ATP6V1E1: variants seen among roughly 807,000 people sequenced by gnomAD.
ATP6V1E1 encodes the protein V-type proton ATPase subunit E 1.
In ATP6V1E1, 21 loss-of-function variants were observed where a neutral mutation model predicts 35.2. The observed-to-expected ratio is 0.60, with a 90% confidence interval of 0.42 to 0.86. The LOEUF is 0.86. ATP6V1E1 is among the 40% of genes least tolerant of loss of function. The pLI is 0.00. For missense variants in ATP6V1E1, 183 were observed against 272.6 expected (o/e 0.67, Z 2.32); for synonymous variants, 83 against 87.8 (o/e 0.95, Z 0.30).
At chr22:17,609,087 C>T (rs945413178) in intron 4 of ATP6V1E1, among the ~76,000 whole-genome samples, 3 of 138,968 alleles carry the variant, frequency 2.2e-5, no homozygotes, top group Admixed American at 2.1e-4. Context: ...AGCGAGACTC[C>T]GTCTCAAAAA....
chr22:17,625,562 T>A (rs1454524760), intron 1 of ATP6V1E1, among the ~76,000 whole-genome samples: 1 of 147,026 alleles, frequency 6.8e-6, no homozygotes, highest in Non-Finnish European at 1.5e-5. Flanking sequence ...ATTACAGGCG[T>A]GAGCCGGCCA....
intron 4 of ATP6V1E1, among the ~76,000 whole-genome samples, chr22:17,611,262 T>C (rs1402655265): frequency 6.6e-6 from 1 of 152,258 alleles, no homozygotes; most frequent in Non-Finnish European, 1.5e-5. Context: ...CCTGAGCTAG[T>C]AACATTTTGC....
At chr22:17,613,002 G>A (rs2057823052) in intron 3 of ATP6V1E1, 124 bp from the exon 4 acceptor site, 1 of 982,328 alleles carries the variant, frequency 1.0e-6, no homozygotes, top group Non-Finnish European at 1.5e-6. Context: ...TTACAAGCGT[G>A]AGCCACCTTG....
At chr22:17,626,184 G>C (rs369573537) in intron 1 of ATP6V1E1, among the ~76,000 whole-genome samples, 247 of 151,802 alleles carry the variant, frequency 1.6e-3, no homozygotes, top group Middle Eastern at 3.4e-3. Context: ...GCGGGCGCCT[G>C]TAAGTCCCAG....
chr22:17,626,107 C>T (rs762845858), intron 1 of ATP6V1E1, among the ~76,000 whole-genome samples: 1 of 151,776 alleles, frequency 6.6e-6, no homozygotes, highest in Non-Finnish European at 1.5e-5. Flanking sequence ...GAGATCAAGA[C>T]CATCCTGGCT....
chr22:17,628,656 G>A lies in ATP6V1E1; in HGVS notation c.-21C>T. On this transcript the variant is annotated 5_prime_UTR_variant, in exon 1 of 9. Coordinates refer to ENST00000253413, the MANE Select transcript of ATP6V1E1 (RefSeq NM_001696.4). ...GCCATGGCGAGAGCAATGCTAGGCC[G>A]GTGAACAGTAGGCTCGAGTTTAGGT... 3 of 1,614,162 alleles carry A rather than the reference G, an allele frequency of 1.9e-6. No individual in the cohort carries two copies. The highest frequency in any genetic ancestry group is 2.5e-6 in the Non-Finnish European group (3 of 1,180,030).
chr22:17,627,896 G>A (rs1354437941), intron 1 of ATP6V1E1, among the ~76,000 whole-genome samples: 2 of 149,996 alleles, frequency 1.3e-5, no homozygotes, highest in Admixed American at 1.3e-4. Flanking sequence ...GTTGGAAGCA[G>A]GTCTCTTCCC....
intron 4 of ATP6V1E1, among the ~76,000 whole-genome samples, chr22:17,605,689 T>TTC (rs200832041): frequency 0.11 from 13,116 of 122,056 alleles, 1,192 homozygotes; most frequent in African/African-American, 0.19. Flanking sequence ...AGGTAGATGT[T>TTC]TCTCTTTTTT....
intron 4 of ATP6V1E1, among the ~76,000 whole-genome samples, chr22:17,609,658 C>T (rs566392360): frequency 2.0e-5 from 3 of 150,794 alleles, no homozygotes; most frequent in East Asian, 3.9e-4. Context: ...TTAGTGGAGA[C>T]GTGGTTTCAC....
At chr22:17,598,707 A>G (rs890829894) in intron 6 of ATP6V1E1, among the ~76,000 whole-genome samples, 3 of 152,194 alleles carry the variant, frequency 2.0e-5, no homozygotes, top group Non-Finnish European at 2.9e-5. Flanking sequence ...CAGGCACCAG[A>G]AACAGCAGTG....
intron 8 of ATP6V1E1, among the ~76,000 whole-genome samples, chr22:17,593,474 T>G (rs1389276776): frequency 1.3e-5 from 2 of 152,174 alleles, no homozygotes; most frequent in African/African-American, 4.8e-5. Context: ...CACTGATGAA[T>G]CCTTAGGAGA....
chr22:17,598,609 T>TG (rs1211905607), intron 6 of ATP6V1E1, among the ~76,000 whole-genome samples: 1 of 151,988 alleles, frequency 6.6e-6, no homozygotes, highest in Admixed American at 6.6e-5. Context: ...TGTTAGAAGC[T>TG]GGGGGTAGGT....
chr22:17,621,904 T>A (rs1425533504), intron 1 of ATP6V1E1, among the ~76,000 whole-genome samples: 4 of 152,172 alleles, frequency 2.6e-5, no homozygotes, highest in Admixed American at 1.3e-4. Flanking sequence ...TCAACTGAAC[T>A]ATGAGGCTAG....
Position 17,600,008 on chromosome 22 carries a change from A to G in ATP6V1E1, c.435+19T>C. ...GAGGGGGGAGGGAGGGAGGGAAAAA[A>G]TTATCCTAAGTTCTTTACCTTTACC... On this transcript the variant is annotated intron_variant, in intron 6 of 8. Transcript: ENST00000253413. The G allele has an allele frequency of 1.2e-6, 2 of 1,602,474 alleles. No homozygotes were observed. Among genetic ancestry groups the G allele is most frequent in the Non-Finnish European group, 1.7e-6 (2 of 1,170,478 alleles).
At chr22:17,626,756 C>G (rs2057908036) in intron 1 of ATP6V1E1, among the ~76,000 whole-genome samples, 1 of 152,182 alleles carries the variant, frequency 6.6e-6, no homozygotes, top group South Asian at 2.1e-4. Flanking sequence ...TCTGGAACTC[C>G]TGACCGCAGG....
chr22:17,615,306 A>T (rs1004816691), intron 2 of ATP6V1E1, among the ~76,000 whole-genome samples: 2 of 152,170 alleles, frequency 1.3e-5, no homozygotes, highest in South Asian at 4.1e-4. Flanking sequence ...ATCCAAAAAA[A>T]ATATTAATTT....
intron 4 of ATP6V1E1, among the ~76,000 whole-genome samples, chr22:17,601,762 A>C (rs149637478): frequency 1.2e-4 from 18 of 152,188 alleles, no homozygotes; most frequent in African/African-American, 3.9e-4. Flanking sequence ...GCCCACCACC[A>C]CGCCCAGCTA....
intron 1 of ATP6V1E1, among the ~76,000 whole-genome samples, chr22:17,623,531 C>A (rs952332921): frequency 6.6e-6 from 1 of 151,862 alleles, no homozygotes; most frequent in African/African-American, 2.4e-5. Context: ...ATTAGCCAGG[C>A]GTGGTGGCGG....
At position 17,626,324 on chromosome 22, in the gene ATP6V1E1, A is replaced by AG. The variant is rs1460665293; in HGVS notation, c.33+2278_33+2279insC. Among the ~76,000 whole-genome samples, 317 of 148,300 alleles carry AG rather than the reference A, an allele frequency of 2.1e-3. 6 individuals are homozygous for AG. In the South Asian group the frequency reaches 0.067, roughly 31 times the overall value. ...CTTCGTCTCAAAAAAAAAAAAAAAA[A>AG]AAAAGAAAGAAAAGAAAAAGCGGTC... On this transcript the variant is annotated intron_variant, in intron 1 of 8. Coordinates refer to ENST00000253413, the MANE Select transcript of ATP6V1E1 (RefSeq NM_001696.4).
Sources: allele counts gnomAD v4.1 joint callset (sites outside exome capture counted in the v4.1 genomes callset), GRCh38; gene constraint gnomAD v4.1.1; transcripts MANE v1.5; gene names NCBI Gene and HGNC (gene_info 2026-07-23, HGNC 2026-07-21).